SETBP1: variants seen among roughly 807,000 people sequenced by gnomAD.
SETBP1 encodes SET-binding protein.
Under a neutral mutation model 101.0 loss-of-function variants are expected in SETBP1, and 9 were observed. That is an observed-to-expected ratio of 0.09 (90% CI 0.05 to 0.16). SETBP1 has a LOEUF of 0.16. Among genes scored for constraint, SETBP1 ranks in the 10% least tolerant of loss-of-function variants. The probability of loss-of-function intolerance (pLI) is 1.00; values close to 1 mark genes in which losing one functional copy is unlikely to be tolerated. For synonymous variants in SETBP1, 818 were observed against 788.5 expected (o/e 1.04, Z -0.63); for missense variants, 1,858 against 2,033.8 (o/e 0.91, Z 1.66).
intron 2 of SETBP1, among the ~76,000 whole-genome samples, chr18:44,758,082 T>C (rs1356558604): frequency 6.6e-6 from 1 of 152,102 alleles, no homozygotes; most frequent in Non-Finnish European, 1.5e-5. Context: ...AATCCCAGCT[T>C]CCATCCGTCC....
At chr18:44,727,760 C>T (rs1295195815) in intron 2 of SETBP1, among the ~76,000 whole-genome samples, 2 of 152,152 alleles carry the variant, frequency 1.3e-5, no homozygotes, top group East Asian at 3.8e-4. Flanking sequence ...TGTGGGTGGC[C>T]TTTCTATTGT....
intron 2 of SETBP1, among the ~76,000 whole-genome samples, chr18:44,704,105 T>C (rs1172180634): frequency 6.6e-6 from 1 of 152,212 alleles, no homozygotes; most frequent in East Asian, 1.9e-4. Flanking sequence ...GGTACCACTT[T>C]TCCTAAAGCC....
At chr18:44,711,196 C>A (rs1429729762) in intron 2 of SETBP1, among the ~76,000 whole-genome samples, 1 of 151,508 alleles carries the variant, frequency 6.6e-6, no homozygotes, top group African/African-American at 2.4e-5. Context: ...CTTTTCTTTT[C>A]TTTCCCACCC....
intron 4 of SETBP1, among the ~76,000 whole-genome samples, chr18:45,013,886 A>G (rs1266539728): frequency 2.0e-5 from 3 of 152,186 alleles, no homozygotes. Context: ...GTGTTTTTAA[A>G]TTTACTTTCA....
chr18:44,727,231 TAAAAC>T (rs1383046693), intron 2 of SETBP1, among the ~76,000 whole-genome samples: 1 of 146,792 alleles, frequency 6.8e-6, no homozygotes, highest in Admixed American at 6.9e-5. Context: ...GATACCCAAA[TAAAAC>T]AAACTCTTAA....
At chr18:44,702,620 TA>T (rs146864726) in intron 2 of SETBP1, among the ~76,000 whole-genome samples, 1,604 of 152,312 alleles carry the variant, frequency 0.011, 24 homozygotes, top group African/African-American at 0.036. Flanking sequence ...AGTGAGATAT[TA>T]AAAAATTTGA....
chr18:44,688,183 A>C (rs533641486), intron 1 of SETBP1, among the ~76,000 whole-genome samples: 2 of 152,232 alleles, frequency 1.3e-5, no homozygotes, highest in Non-Finnish European at 2.9e-5. Context: ...AAAAAGGAGC[A>C]TGCAATATTG....
At chr18:44,990,258 A>T (rs2072337416) in intron 4 of SETBP1, among the ~76,000 whole-genome samples, 1 of 152,180 alleles carries the variant, frequency 6.6e-6, no homozygotes, top group Admixed American at 6.5e-5. Flanking sequence ...GGTATAGTGA[A>T]CAAAAATAAT....
intron 1 of SETBP1, among the ~76,000 whole-genome samples, chr18:44,684,230 A>T (rs566926089): frequency 6.6e-6 from 1 of 152,280 alleles, no homozygotes; most frequent in Non-Finnish European, 1.5e-5. Context: ...CTTCTTTTAG[A>T]GTGGTTTTTA....
chr18:44,979,661 G>T (rs1483563232), intron 4 of SETBP1, among the ~76,000 whole-genome samples: 1 of 152,150 alleles, frequency 6.6e-6, no homozygotes, highest in Non-Finnish European at 1.5e-5. Flanking sequence ...AAGTATTCCA[G>T]AACTAAGTGC....
At chr18:44,817,430 A>T (rs1462669231) in intron 2 of SETBP1, among the ~76,000 whole-genome samples, 3 of 152,174 alleles carry the variant, frequency 2.0e-5, no homozygotes, top group African/African-American at 7.2e-5. Context: ...TCACCCCTGT[A>T]ATCCCAGCAC....
intron 2 of SETBP1, among the ~76,000 whole-genome samples, chr18:44,851,253 A>T (rs893530347): frequency 1.3e-5 from 2 of 152,208 alleles, no homozygotes; most frequent in Non-Finnish European, 1.5e-5. Flanking sequence ...TCAGAGAAGG[A>T]GGGCCCAGGA....
intron 4 of SETBP1, among the ~76,000 whole-genome samples, chr18:45,020,295 A>AAAAAAAT (rs1402729585): frequency 7.3e-6 from 1 of 137,046 alleles, no homozygotes; most frequent in Non-Finnish European, 1.5e-5. Flanking sequence ...AAAAAAAAAA[A>AAAAAAAT]GTGGCTTCTC....
intron 2 of SETBP1, among the ~76,000 whole-genome samples, chr18:44,720,341 T>A (rs1287634851): frequency 2.0e-5 from 3 of 152,200 alleles, no homozygotes; most frequent in Admixed American, 6.5e-5. Context: ...CACATGAACA[T>A]GATTATGTAC....
chr18:44,837,013 A>G (rs2072512130), intron 2 of SETBP1, among the ~76,000 whole-genome samples: 1 of 151,644 alleles, frequency 6.6e-6, no homozygotes, highest in Non-Finnish European at 1.5e-5. Flanking sequence ...TAATGTTTTG[A>G]GTTGTTTGTA....
At position 44,680,922 on chromosome 18, in the gene SETBP1, A is replaced by G. The variant is rs1306842037; in HGVS notation, c.-272A>G. On this transcript the variant is annotated 5_prime_UTR_variant, in exon 1 of 6. Transcript: ENST00000649279. ...AGGTTAAGTGGAGCTAGAGAGCTAC[A>G]TTGTAACCTAGTTGGATTTTTTTGG... is the stretch of plus-strand genomic sequence containing the variant. 2 of 151,522 alleles carry G rather than the reference A, an allele frequency of 1.3e-5. No homozygotes were observed. Among genetic ancestry groups the G allele is most frequent in the South Asian group, 2.1e-4 (1 of 4,780 alleles). The allele number at this position is 151,522 out of a possible 1,614,324, so 9.4% of individuals were successfully genotyped here.
intron 5 of SETBP1, among the ~76,000 whole-genome samples, chr18:45,051,836 T>C (rs1156463283): frequency 6.6e-6 from 1 of 152,248 alleles, no homozygotes; most frequent in African/African-American, 2.4e-5. Flanking sequence ...TAGGTGTTGG[T>C]CTATATTTCA....
At chr18:44,754,126 T>C (rs575779259) in intron 2 of SETBP1, among the ~76,000 whole-genome samples, 5 of 152,380 alleles carry the variant, frequency 3.3e-5, no homozygotes, top group Non-Finnish European at 5.9e-5. Flanking sequence ...TATTTGAAAA[T>C]GACTTGGATG....
intron 2 of SETBP1, among the ~76,000 whole-genome samples, chr18:44,711,174 C>T (rs1343265576): frequency 2.6e-5 from 4 of 152,028 alleles, no homozygotes; most frequent in African/African-American, 9.7e-5. Context: ...TTGAACTATG[C>T]AACTTTTTTC....
Sources: allele counts gnomAD v4.1 joint callset (sites outside exome capture counted in the v4.1 genomes callset), GRCh38; gene constraint gnomAD v4.1.1; transcripts MANE v1.5; gene names NCBI Gene and HGNC (gene_info 2026-07-23, HGNC 2026-07-21).